Variants in CRB1 observed in about 807,000 individuals in gnomAD.
The protein encoded by CRB1 is crumbs cell polarity complex component 1.
In CRB1, 83 loss-of-function variants were observed where a neutral mutation model predicts 120.0. The ratio of observed to expected loss-of-function variants is 0.69; its 90% CI spans 0.58 to 0.83. The LOEUF is 0.83. Among genes scored for constraint, CRB1 ranks in the 40% least tolerant of loss-of-function variants. The pLI, the probability that CRB1 is intolerant of heterozygous loss-of-function variation, is 0.00. For missense variants in CRB1, 1,699 were observed against 1,687.6 expected (o/e 1.01, Z -0.12); for synonymous variants, 625 against 612.5 (o/e 1.02, Z -0.30).
intron 1 of CRB1, among the ~76,000 whole-genome samples, chr1:197,327,105 A>AC (rs1353345394): frequency 0.14 from 16,419 of 117,772 alleles, 1,935 homozygotes; most frequent in African/African-American, 0.35. Context: ...AAAAAAAAAA[A>AC]AAAAAAAAAA....
At chr1:197,401,571 A>G (rs1398952191) in intron 5 of CRB1, among the ~76,000 whole-genome samples, 1 of 152,142 alleles carries the variant, frequency 6.6e-6, no homozygotes, top group Non-Finnish European at 1.5e-5. Flanking sequence ...AATTTGTCGT[A>G]TTTTGTGTCT....
chr1:197,476,840 CAGT>C (rs1163061013), intron 11 of CRB1, among the ~76,000 whole-genome samples: 1 of 152,152 alleles, frequency 6.6e-6, no homozygotes. Flanking sequence ...AAAATTCAAA[CAGT>C]AACTCCTTTC....
chr1:197,402,275 T>C lies in CRB1; in HGVS notation c.1172-18725T>C, dbSNP rs560886280. On this transcript the variant is annotated intron_variant, in intron 5 of 11. Coordinates refer to ENST00000367400, the MANE Select transcript of CRB1 (RefSeq NM_201253.3). ...TCTTTGCGTTCATGAGTTCTCATCA[T>C]TTAGCTCTCACTTATATGTGAGAAC... Among the ~76,000 whole-genome samples, 138 of 152,322 alleles carry C rather than the reference T, an allele frequency of 9.1e-4. 1 individual carries two copies. Among genetic ancestry groups the C allele is most frequent in the African/African-American group, 3.2e-3 (132 of 41,580 alleles).
the CRB1 span, among the ~76,000 whole-genome samples, chr1:197,254,559 A>G: frequency 6.6e-6 from 1 of 152,024 alleles, no homozygotes; most frequent in Non-Finnish European, 1.5e-5. Context: ...TGTAGTGGTG[A>G]TAATTGAATG....
At chr1:197,310,740 G>T (rs1246665685) in intron 1 of CRB1, among the ~76,000 whole-genome samples, 1 of 151,960 alleles carries the variant, frequency 6.6e-6, no homozygotes, top group African/African-American at 2.4e-5. Flanking sequence ...AACCATATTT[G>T]CATAGTCATA....
intron 4 of CRB1, among the ~76,000 whole-genome samples, chr1:197,354,616 C>T (rs1038209012): frequency 3.9e-5 from 6 of 152,044 alleles, no homozygotes; most frequent in Non-Finnish European, 8.8e-5. Context: ...GGTTCGTGGT[C>T]TTGTTGGTCT....
At chr1:197,257,119 A>G in the CRB1 span, among the ~76,000 whole-genome samples, 1 of 152,100 alleles carries the variant, frequency 6.6e-6, no homozygotes, top group African/African-American at 2.4e-5. Context: ...GTCCAAGTCC[A>G]TAGGCCTGAA....
the CRB1 span, among the ~76,000 whole-genome samples, chr1:197,241,004 A>G: frequency 3.9e-5 from 6 of 152,170 alleles, no homozygotes; most frequent in Non-Finnish European, 7.4e-5. Context: ...TGTTCTTTTG[A>G]GAAGTGCCTG....
chr1:197,425,202 G>T (rs1220038569), intron 6 of CRB1, among the ~76,000 whole-genome samples: 1 of 152,170 alleles, frequency 6.6e-6, no homozygotes, highest in Non-Finnish European at 1.5e-5. Context: ...AAGTGCTGCA[G>T]TGTATTCAGA....
At chr1:197,438,465 A>T in intron 9 of CRB1, 82 bp from the exon 10 acceptor site, 1 of 1,540,408 alleles carries the variant, frequency 6.5e-7, no homozygotes, top group African/African-American at 1.4e-5. Context: ...GGCATTGACT[A>T]CATACATGAA....
chr1:197,328,970 A>G lies in CRB1; in HGVS notation c.619A>G (p.Arg207Gly). ...NEATCLNEIG[R>G]YTCICPHNYS... is the part of the protein sequence containing the mutation. ...GGCTACATGCCTCAATGAAATAGGAAGATATACTTGTATCTGTCCCCACAA... is the reference window on the plus strand; with the variant it reads ...GGCTACATGCCTCAATGAAATAGGAGGATATACTTGTATCTGTCCCCACAA... Residue 207 changes from arginine (R) to glycine (G), a missense_variant, in exon 2 of 12, where the codon AGA becomes GGA. By Grantham distance (125) the Arg-to-Gly change is moderately radical. Transcript: ENST00000367400. 2 of 1,613,910 alleles carry G rather than the reference A, an allele frequency of 1.2e-6. No individual in the cohort carries two copies. The highest frequency in any genetic ancestry group is 1.7e-6 in the Non-Finnish European group (2 of 1,180,014).
intron 5 of CRB1, among the ~76,000 whole-genome samples, chr1:197,367,180 A>G (rs931182435): frequency 2.0e-5 from 3 of 152,156 alleles, no homozygotes; most frequent in Admixed American, 6.5e-5. Context: ...CTTGACCACT[A>G]CTAGAAGGAA....
the CRB1 span, among the ~76,000 whole-genome samples, chr1:197,229,746 T>C: frequency 6.6e-6 from 1 of 152,220 alleles, no homozygotes. Context: ...ATTAGGATAA[T>C]GGTCTCCCTG....
chr1:197,203,497 G>A, the CRB1 span, among the ~76,000 whole-genome samples: 1 of 152,008 alleles, frequency 6.6e-6, no homozygotes, highest in East Asian at 1.9e-4. Context: ...GCTAATTTTT[G>A]TATTTTTAGT....
intron 11 of CRB1, among the ~76,000 whole-genome samples, chr1:197,462,025 A>T (rs888359651): frequency 6.6e-6 from 1 of 152,204 alleles, no homozygotes; most frequent in African/African-American, 2.4e-5. Flanking sequence ...CTCATCGCGG[A>T]GGACATGCCT....
At chr1:197,442,080 A>G (rs1665471426) in intron 10 of CRB1, 86 bp from the exon 11 acceptor site, 1 of 1,535,254 alleles carries the variant, frequency 6.5e-7, no homozygotes, top group Non-Finnish European at 9.0e-7. Flanking sequence ...GCTGTTCCAG[A>G]GAGATAAGGC....
chr1:197,427,787 C>T lies in CRB1; in HGVS notation c.2462C>T (p.Thr821Met), dbSNP rs142857810. 213 of 1,613,792 alleles carry T rather than the reference C, an allele frequency of 1.3e-4. No individual in the cohort carries two copies. The Middle Eastern group carries it at 2.6e-3, about 20-fold the overall frequency. Residue 821 changes from threonine to methionine, a missense_variant, in exon 7 of 12, where the codon ACG becomes ATG. Coordinates refer to ENST00000367400, the MANE Select transcript of CRB1 (RefSeq NM_201253.3). ...AACCTAGGATTTATTTCTGCTTCTACGTGGAAAATCGAAAAGGGAGATGTC... is the reference window on the plus strand; with the variant it reads ...AACCTAGGATTTATTTCTGCTTCTATGTGGAAAATCGAAAAGGGAGATGTC... ...SQNLGFISAS[T>M]WKIEKGDVIY... is the part of the protein sequence containing the mutation.
intron 1 of CRB1, among the ~76,000 whole-genome samples, chr1:197,270,638 T>C (rs899722462): frequency 1.3e-5 from 2 of 152,184 alleles, no homozygotes; most frequent in African/African-American, 2.4e-5. Flanking sequence ...GTCACTCTTA[T>C]ATACATAATA....
chr1:197,400,428 C>A (rs535538992), intron 5 of CRB1, among the ~76,000 whole-genome samples: 1 of 151,706 alleles, frequency 6.6e-6, no homozygotes, highest in East Asian at 1.9e-4. Context: ...CAGCAATCCT[C>A]CCATCTTGGC....
Sources: allele counts gnomAD v4.1 joint callset (sites outside exome capture counted in the v4.1 genomes callset), GRCh38; gene constraint gnomAD v4.1.1; transcripts MANE v1.5; gene names NCBI Gene and HGNC (gene_info 2026-07-23, HGNC 2026-07-21).